NIFK: variants seen among roughly 807,000 people sequenced by gnomAD.
NIFK encodes the protein MKI67 FHA domain-interacting nucleolar phosphoprotein.
Under a neutral mutation model 31.7 loss-of-function variants are expected in NIFK, and 16 were observed. That is an observed-to-expected ratio of 0.50 (90% CI 0.34 to 0.77). The LOEUF is 0.77. Among genes scored for constraint, NIFK ranks in the 30% least tolerant of loss-of-function variants. NIFK has a pLI of 0.01. For missense variants in NIFK, 341 were observed against 350.4 expected (o/e 0.97, Z 0.21); for synonymous variants, 126 against 123.0 (o/e 1.02, Z -0.16).
chr2:121,734,392 TG>T (rs1483662906), intron 2 of NIFK, among the ~76,000 whole-genome samples: 3 of 152,246 alleles, frequency 2.0e-5, no homozygotes, highest in Admixed American at 6.5e-5. Flanking sequence ...AGCTGAAGAA[TG>T]ATAGAGTAAT....
chr2:121,731,777 G>C (rs2074542582), intron 3 of NIFK, among the ~76,000 whole-genome samples: 1 of 152,114 alleles, frequency 6.6e-6, no homozygotes, highest in Non-Finnish European at 1.5e-5. Flanking sequence ...CTCCTGTTTA[G>C]TCTTCAGGTT....
chr2:121,734,178 CCCAG>C (rs1285690583), intron 2 of NIFK, among the ~76,000 whole-genome samples: 2 of 151,890 alleles, frequency 1.3e-5, no homozygotes, highest in Non-Finnish European at 1.5e-5. Context: ...TACCTGTAAT[CCCAG>C]CCACTCAGGA....
intron 3 of NIFK, among the ~76,000 whole-genome samples, 176 bp downstream of exon 3, chr2:121,731,920 A>G (rs2074543380): frequency 6.6e-6 from 1 of 152,218 alleles, no homozygotes; most frequent in Non-Finnish European, 1.5e-5. Context: ...GCTAGATTTT[A>G]AAATTCCAAT....
At position 121,727,393 on chromosome 2, in the gene NIFK, G is replaced by A. The variant is rs777734666; in HGVS notation, c.*331C>T. 1.2e-5 allele frequency: 6 copies of A among 505,414 alleles called. No homozygotes were observed. The highest frequency in any genetic ancestry group is 2.4e-5 in the Non-Finnish European group (6 of 250,466). The allele number at this position is 505,414 out of a possible 1,614,324, so 31.3% of individuals were successfully genotyped here. A position where few individuals can be genotyped will look rare whatever the true frequency, so the allele number is the denominator to read the frequency against. ...GTCTTTAATTGCTGGCGACAGAAAA[G>A]GCTGCAGTTTAGTACTTAAACCTGC... On this transcript the variant is annotated 3_prime_UTR_variant, in exon 7 of 7. Coordinates refer to ENST00000285814, the MANE Select transcript of NIFK (RefSeq NM_032390.5).
chr2:121,730,219 A>AAAACC (rs2074527753), intron 4 of NIFK, among the ~76,000 whole-genome samples: 1 of 151,890 alleles, frequency 6.6e-6, no homozygotes, highest in Admixed American at 6.6e-5. Context: ...CTCTGTCTCA[A>AAAACC]AAAACAAAAC....
chr2:121,729,585 G>A (rs1450417570), intron 4 of NIFK, among the ~76,000 whole-genome samples: 7 of 151,912 alleles, frequency 4.6e-5, no homozygotes, highest in African/African-American at 1.2e-4. Flanking sequence ...CTTTTTTAGC[G>A]ATACGGTCTT....
intron 2 of NIFK, 105 bp downstream of exon 2, chr2:121,735,508 A>T: frequency 8.1e-7 from 1 of 1,230,374 alleles, no homozygotes; most frequent in East Asian, 2.4e-5. Flanking sequence ...TCCTTTTTGG[A>T]ATGAAATCTG....
intron 4 of NIFK, among the ~76,000 whole-genome samples, chr2:121,729,246 A>G (rs912065251): frequency 4.6e-5 from 7 of 151,778 alleles, no homozygotes; most frequent in African/African-American, 1.7e-4. Context: ...GTGTGCCTGT[A>G]GTCCCAGCTA....
At chr2:121,728,263 T>C in intron 6 of NIFK, 25 bp downstream of exon 6, 2 of 1,397,454 alleles carry the variant, frequency 1.4e-6, no homozygotes, top group Non-Finnish European at 2.0e-6. Context: ...ATATCTGGTG[T>C]CTGGAGTATT....
At chr2:121,732,232 T>G in intron 2 of NIFK, 28 bp from the exon 3 acceptor site, 2 of 1,345,346 alleles carry the variant, frequency 1.5e-6, no homozygotes, top group Non-Finnish European at 2.1e-6. Context: ...CCACAAAAAG[T>G]AGAACAATTA....
chr2:121,729,935 A>T (rs2074525272), intron 4 of NIFK, among the ~76,000 whole-genome samples: 1 of 152,240 alleles, frequency 6.6e-6, no homozygotes, highest in South Asian at 2.1e-4. Context: ...TAGTCAGGCC[A>T]GTCATGGTGG....
At chr2:121,730,661 T>G in intron 4 of NIFK, 1 of 467,924 alleles carries the variant, frequency 2.1e-6, no homozygotes, top group Non-Finnish European at 3.8e-6. Context: ...CTGGCCAACG[T>G]GGAGAAACCC....
chr2:121,732,513 C>T (rs2074548928), intron 2 of NIFK, among the ~76,000 whole-genome samples: 1 of 152,176 alleles, frequency 6.6e-6, no homozygotes, highest in Non-Finnish European at 1.5e-5. Flanking sequence ...AAGTCTTCAA[C>T]TTAAAAGTCA....
chr2:121,731,990 A>G, intron 3 of NIFK, 106 bp downstream of exon 3: 1 of 692,652 alleles, frequency 1.4e-6, no homozygotes, highest in Middle Eastern at 2.6e-4. Flanking sequence ...CTCATCCCAG[A>G]GATGAAGTGG....
At chr2:121,734,200 G>C (rs1433344055) in intron 2 of NIFK, among the ~76,000 whole-genome samples, 1 of 152,006 alleles carries the variant, frequency 6.6e-6, no homozygotes, top group African/African-American at 2.4e-5. Context: ...GGAGGGTGAG[G>C]AAAGAGAATC....
At position 121,730,968 on chromosome 2, in the gene NIFK, C is replaced by A; in HGVS notation, c.489G>T (p.Glu163Asp). The A allele has an allele frequency of 6.2e-7, 1 of 1,613,290 alleles. No homozygotes were observed. The highest frequency in any genetic ancestry group is 8.5e-7 in the Non-Finnish European group (1 of 1,179,638). ...RTLTQKLRMEERFKKKERLLR... is the reference protein window; with the variant it reads ...RTLTQKLRMEDRFKKKERLLR... ...GTAATCTTTCTTTCTTTTTAAATCG[C>A]TCCTCCATCCGTAGCTTTTGTGTTA... Residue 163 changes from glutamate to aspartate, a missense_variant, in exon 4 of 7, where the codon GAG (glutamate) becomes GAT (aspartate). Coordinates refer to ENST00000285814, the MANE Select transcript of NIFK (RefSeq NM_032390.5).
At chr2:121,735,548 C>T in intron 2 of NIFK, 65 bp downstream of exon 2, 2 of 1,523,820 alleles carry the variant, frequency 1.3e-6, no homozygotes, top group South Asian at 1.1e-5. Flanking sequence ...TGAACGTGCT[C>T]TTTAATGTCA....
Position 121,727,679 on chromosome 2 carries a change from CATAAAAATATTATATTTTTCAAAAGAA to C in NIFK, c.*18_*44del. The C allele has an allele frequency of 2.8e-6, 4 of 1,407,588 alleles. No individual in the cohort carries two copies. Among genetic ancestry groups the C allele is most frequent in the Non-Finnish European group, 2.9e-6 (3 of 1,018,788 alleles). 87.2% of individuals were successfully genotyped at this position (1,407,588 alleles called of 1,614,324 possible). On this transcript the variant is annotated 3_prime_UTR_variant, in exon 7 of 7. Coordinates refer to ENST00000285814, the MANE Select transcript of NIFK (RefSeq NM_032390.5). Reference sequence around the variant, plus strand: ...CCTAGTGAAATACAAAGTCCACTCTCATAAAAATATTATATTTTTCAAAAGAAATATAATACATTGAAAATCACTGAT... The same window carrying C: ...CCTAGTGAAATACAAAGTCCACTCTCATATAATACATTGAAAATCACTGAT...
At position 121,727,312 on chromosome 2, in the gene NIFK, C is replaced by T; in HGVS notation, c.*412G>A. The T allele has an allele frequency of 2.3e-6, 1 of 431,218 alleles. No homozygotes were observed. The highest frequency in any genetic ancestry group is 4.8e-6 in the Non-Finnish European group (1 of 209,602). The allele number at this position is 431,218 out of a possible 1,614,324, so 26.7% of individuals were successfully genotyped here. On this transcript the variant is annotated 3_prime_UTR_variant, in exon 7 of 7. Transcript: ENST00000285814. ...CCATCTGATGTTGAAATCTAAAGCA[C>T]CTCCATGAGTTAAATGTCCCCGACA...
Sources: gnomAD v4.1 joint callset for allele counts (sites outside exome capture counted in the v4.1 genomes callset) on GRCh38, gnomAD v4.1.1 for gene constraint, MANE v1.5 for transcripts, NCBI Gene and HGNC (gene_info 2026-07-23, HGNC 2026-07-21) for gene names.